Variants in LMO2 observed in about 807,000 individuals in gnomAD.
The protein encoded by LMO2 is LIM domain only 2, also known as rhombotin-2.
LMO2 carries 20 observed loss-of-function variants against 23.2 expected under a neutral mutation model. The ratio of observed to expected loss-of-function variants is 0.86; its 90% CI spans 0.61 to 1.25. LMO2 has a LOEUF of 1.25. Among genes scored for constraint, LMO2 ranks in the 50% most tolerant of loss-of-function variants. The probability of loss-of-function intolerance (pLI) is 0.00; values close to 1 mark genes in which losing one functional copy is unlikely to be tolerated. For missense variants in LMO2, 270 were observed against 315.3 expected, an observed-to-expected ratio of 0.86 and a Z score of 1.09; for synonymous variants, 123 against 130.2, an observed-to-expected ratio of 0.94 and a Z score of 0.38.
chr11:33,868,914 C>A (rs563769555), intron 4 of LMO2, among the ~76,000 whole-genome samples: 1 of 152,336 alleles, frequency 6.6e-6, no homozygotes, highest in Non-Finnish European at 1.5e-5. Flanking sequence ...CGGAGGCCGC[C>A]ACTTGGAATG....
chr11:33,869,179 G>A lies in LMO2; in HGVS notation c.248+167C>T, dbSNP rs146837828. Among the ~76,000 whole-genome samples the A allele has an allele frequency of 9.2e-3, 1,394 of 152,134 alleles. 17 individuals carry two copies. Among genetic ancestry groups the A allele is most frequent in the African/African-American group, 0.029 (1,209 of 41,530 alleles). ...GCCCAGTCCCTCTCCCAGAGCCCCCGGAATCACCCGGGAGGAAGGAGGAGC... is the reference window on the plus strand; with the variant it reads ...GCCCAGTCCCTCTCCCAGAGCCCCCAGAATCACCCGGGAGGAAGGAGGAGC... On this transcript the variant is annotated intron_variant, in intron 4 of 5. Transcript: ENST00000257818.
intron 5 of LMO2, among the ~76,000 whole-genome samples, chr11:33,863,042 A>T (rs934708443): frequency 5.9e-5 from 9 of 152,076 alleles, no homozygotes; most frequent in Non-Finnish European, 1.3e-4. Context: ...CGGTAGAGAT[A>T]GGGAGAAGCT....
chr11:33,882,325 G>A (rs1857304529), intron 1 of LMO2, among the ~76,000 whole-genome samples: 3 of 152,324 alleles, frequency 2.0e-5, no homozygotes, highest in South Asian at 2.1e-4. Flanking sequence ...TGTGTCTCAC[G>A]CTTTGCAAAT....
At chr11:33,866,166 G>A (rs1233800052) in intron 4 of LMO2, among the ~76,000 whole-genome samples, 1 of 152,172 alleles carries the variant, frequency 6.6e-6, no homozygotes, top group Admixed American at 6.5e-5. Flanking sequence ...GTGGCTCAAT[G>A]TCTATAACAC....
rs546271756 is a variant in LMO2 at position 33,860,700 on chromosome 11, G to A, written c.465-1125C>T. On this transcript the variant is annotated intron_variant, in intron 5 of 5. Transcript: ENST00000257818. ...TGGGAGGATGGCTTTAGCCCGGGAG[G>A]TGGAGGTTGCAGTGAGCCGAGATCA... 1.4e-3 allele frequency among the ~76,000 whole-genome samples: 208 copies of A among 152,224 alleles called. 1 individual carries two copies. The highest frequency in any genetic ancestry group is 4.7e-3 in the African/African-American group (197 of 41,528).
chr11:33,887,521 C>A (rs1176509750), intron 1 of LMO2, among the ~76,000 whole-genome samples: 1 of 149,604 alleles, frequency 6.7e-6, no homozygotes, highest in African/African-American at 2.5e-5. Flanking sequence ...GCCTTAGCTG[C>A]AAGTCTCCAG....
Position 33,880,472 on chromosome 11 carries a change from A to ATGT in LMO2, c.-272+1351_-272+1352insACA. ...ACTTTTGTGAAGTACTTAAACAAAT[A>ATGT]CATAGAGACAGAAAGTCGAATGGTG... On this transcript the variant is annotated intron_variant, in intron 2 of 5. Coordinates refer to ENST00000257818, the MANE Select transcript of LMO2 (RefSeq NM_005574.4). This position sits in a 1 kb window ranked among gnomAD's most constrained non-coding sequence, Gnocchi z 4.3. 6.6e-6 allele frequency among the ~76,000 whole-genome samples: 1 copy of ATGT among 152,166 alleles called. No homozygotes were observed. The highest frequency in any genetic ancestry group is 1.5e-5 in the Non-Finnish European group (1 of 68,032).
rs1856469316 is a variant in LMO2, at chr11:33,859,116, T to C, written c.*240A>G. ...CTTCTGCTAATCATGTCAGTTACTA[T>C]GGATGGGCTGTGGCCATAAGTTCTC... On this transcript the variant is annotated 3_prime_UTR_variant, in exon 6 of 6. Coordinates refer to ENST00000257818, the MANE Select transcript of LMO2 (RefSeq NM_005574.4). 2.0e-6 allele frequency: 1 copy of C among 499,946 alleles called. No individual in the cohort carries two copies. Among genetic ancestry groups the C allele is most frequent in the Non-Finnish European group, 3.6e-6 (1 of 274,324 alleles). 31.0% of individuals were successfully genotyped at this position (499,946 alleles called of 1,614,324 possible).
Position 33,869,454 on chromosome 11 carries a change from G to A in LMO2, c.140C>T (p.Pro47Leu), listed in dbSNP as rs1590639210. 9 of 1,195,048 alleles carry A rather than the reference G, an allele frequency of 7.5e-6. No homozygotes were observed. In the East Asian group the frequency reaches 1.1e-4, roughly 15 times the overall value. The allele number at this position is 1,195,048 out of a possible 1,614,324, so 74.0% of individuals were successfully genotyped here. A position where few individuals can be genotyped will look rare whatever the true frequency, so the allele number is the denominator to read the frequency against. ...TGTGGCGCGGGGCTGGCCGGCTGCC[G>A]GGGCTCGGACCCCCTCGGGTGCTCG... ...GARAPEGVRA[P>L]AAGQPRATKG... The change falls in exon 4 of 6, where the codon CCG becomes CTG. Residue 47 changes from proline to leucine, a missense_variant. By Grantham distance (98) the Pro-to-Leu change is moderately conservative. Around this residue, in one of 2 missense-constraint regions of LMO2, gnomAD observed 170 missense variants for 162.0 expected, o/e 1.05. Transcript: ENST00000257818.
rs1239561782 is a variant in LMO2, at chr11:33,869,720, G to C, written c.-4C>G. 7.0e-6 allele frequency: 9 copies of C among 1,292,230 alleles called. No individual in the cohort carries two copies. The East Asian group carries it at 1.8e-4, about 26-fold the overall frequency. The allele number at this position is 1,292,230 out of a possible 1,614,324, so 80.0% of individuals were successfully genotyped here. On this transcript the variant is annotated 5_prime_UTR_variant, in exon 3 of 6. Coordinates refer to ENST00000257818, the MANE Select transcript of LMO2 (RefSeq NM_005574.4). ...TGCTCAGGACTTAACCTTCCATCCC[G>C]GTCCCGCCGCCGCCACCGCCCGGTC...
chr11:33,863,006 G>T (rs943404438), intron 5 of LMO2, among the ~76,000 whole-genome samples: 2 of 151,974 alleles, frequency 1.3e-5, no homozygotes, highest in Admixed American at 1.3e-4. Context: ...GGCAGCACTG[G>T]TTTTATTCCT....
intron 4 of LMO2, among the ~76,000 whole-genome samples, chr11:33,867,640 C>G (rs2133695127): frequency 1.3e-5 from 2 of 152,280 alleles, no homozygotes; most frequent in Middle Eastern, 6.8e-3. Flanking sequence ...TGGCTTGTCC[C>G]TCTTTGATCA....
At chr11:33,866,588 C>T (rs1210153238) in intron 4 of LMO2, among the ~76,000 whole-genome samples, 1 of 152,182 alleles carries the variant, frequency 6.6e-6, no homozygotes, top group African/African-American at 2.4e-5. Context: ...GTGAGCACTG[C>T]ACTCTAGACT....
At chr11:33,866,368 C>G (rs1317493583) in intron 4 of LMO2, among the ~76,000 whole-genome samples, 3 of 152,216 alleles carry the variant, frequency 2.0e-5, no homozygotes, top group African/African-American at 7.2e-5. Flanking sequence ...GGTACAGTGG[C>G]TCACGCTTGT....
intron 2 of LMO2, chr11:33,870,987 G>T: frequency 1.2e-6 from 1 of 825,926 alleles, no homozygotes; most frequent in Non-Finnish European, 1.5e-6. Flanking sequence ...TTCAGAAGCT[G>T]AAAGGCCTAT....
rs141264867 is a variant in LMO2, at chr11:33,871,261, A to T, written c.-271-1274T>A. Among the ~76,000 whole-genome samples, 152 of 150,290 alleles carry T rather than the reference A, an allele frequency of 1.0e-3. 1 individual carries two copies. Among genetic ancestry groups the T allele is most frequent in the Admixed American group, 3.1e-3 (46 of 15,064 alleles). ...TGTGTGTCCCAAAGGAAGCCTTAAG[A>T]GCAAATTTTTGTCCTAGTGGAGACT... On this transcript the variant is annotated intron_variant, in intron 2 of 5. Coordinates refer to ENST00000257818, the MANE Select transcript of LMO2 (RefSeq NM_005574.4).
chr11:33,881,418 T>C (rs946826094), intron 2 of LMO2: 4 of 456,584 alleles, frequency 8.8e-6, no homozygotes, highest in South Asian at 3.1e-5. Flanking sequence ...AGCCTCTCTA[T>C]CACTCCAACA....
At chr11:33,867,152 G>A (rs1022316435) in intron 4 of LMO2, among the ~76,000 whole-genome samples, 16 of 152,170 alleles carry the variant, frequency 1.1e-4, no homozygotes, top group Admixed American at 6.5e-4. Context: ...GAGGCAGTGG[G>A]GGCCACCAGT....
intron 2 of LMO2, among the ~76,000 whole-genome samples, chr11:33,870,845 C>A (rs541865095): frequency 1.6e-4 from 25 of 152,260 alleles, no homozygotes; most frequent in African/African-American, 6.0e-4. Context: ...GGGGTTCAGG[C>A]TTCCCCCTCT....
Sources: allele counts gnomAD v4.1 joint callset (sites outside exome capture counted in the v4.1 genomes callset), GRCh38; gene constraint gnomAD v4.1.1; regional missense constraint gnomAD v4.1.1; non-coding constraint Gnocchi (gnomAD v3.1); transcripts MANE v1.5; gene names NCBI Gene and HGNC (gene_info 2026-07-23, HGNC 2026-07-21).